Variants in SCMH1 observed in about 807,000 individuals in gnomAD.
The protein encoded by SCMH1 is polycomb protein SCMH1.
A neutral mutation model predicts 70.8 loss-of-function variants in SCMH1; 37 were observed. That is an observed-to-expected ratio of 0.52 (90% CI 0.40 to 0.69). SCMH1 has a LOEUF of 0.69. Ranked by LOEUF, SCMH1 falls within the 30% of genes least tolerant of loss-of-function variation. The pLI is 0.00. For missense variants in SCMH1, 607 were observed against 827.3 expected, an observed-to-expected ratio of 0.73 and a Z score of 3.27; for synonymous variants, 292 against 307.4, an observed-to-expected ratio of 0.95 and a Z score of 0.52.
intron 2 of SCMH1, among the ~76,000 whole-genome samples, chr1:41,170,032 G>A (rs1001780214): frequency 6.6e-6 from 1 of 152,160 alleles, no homozygotes; most frequent in East Asian, 1.9e-4. Context: ...ACAAGAAGCT[G>A]CTGGAATAGT....
intron 11 of SCMH1, among the ~76,000 whole-genome samples, chr1:41,048,214 A>G (rs1436295442): frequency 6.6e-6 from 1 of 152,222 alleles, no homozygotes; most frequent in East Asian, 1.9e-4. Context: ...TCAAACTCTC[A>G]TAGCAGTAAA....
At chr1:41,152,558 T>G (rs769516708) in intron 4 of SCMH1, 3 of 1,604,852 alleles carry the variant, frequency 1.9e-6, no homozygotes, top group Non-Finnish European at 2.6e-6. Flanking sequence ...AGTTCTTTAT[T>G]TAAAGGTTAA....
At chr1:41,192,372 C>A (rs935439323) in intron 1 of SCMH1, among the ~76,000 whole-genome samples, 3 of 152,130 alleles carry the variant, frequency 2.0e-5, no homozygotes, top group Admixed American at 6.6e-5. Flanking sequence ...TTGGTTCTAT[C>A]ACTTACCAGT....
chr1:41,078,184 AAAC>A (rs1658944905), intron 8 of SCMH1, among the ~76,000 whole-genome samples: 1 of 152,192 alleles, frequency 6.6e-6, no homozygotes, highest in African/African-American at 2.4e-5. Flanking sequence ...AAAAAATAGA[AAAC>A]ATCCAAAATA....
At chr1:41,126,821 T>C (rs1673294725) in intron 6 of SCMH1, among the ~76,000 whole-genome samples, 1 of 152,174 alleles carries the variant, frequency 6.6e-6, no homozygotes, top group Admixed American at 6.5e-5. Flanking sequence ...TGCAAAAAAA[T>C]AACCATGTGT....
chr1:41,072,844 C>T (rs1740615), intron 9 of SCMH1, among the ~76,000 whole-genome samples: 129,197 of 152,188 alleles, frequency 0.85, 55,325 homozygotes, highest in East Asian at 0.96. Context: ...CAGCCTGGGT[C>T]ACAGAGTGAG....
chr1:41,097,673 A>G (rs984431043), intron 8 of SCMH1, among the ~76,000 whole-genome samples: 1 of 152,174 alleles, frequency 6.6e-6, no homozygotes, highest in Admixed American at 6.6e-5. Flanking sequence ...CACTGCCTCA[A>G]CTTTAATATA....
At chr1:41,156,623 G>C (rs901324313) in intron 4 of SCMH1, among the ~76,000 whole-genome samples, 1 of 151,992 alleles carries the variant, frequency 6.6e-6, no homozygotes, top group Non-Finnish European at 1.5e-5. Flanking sequence ...ATTTTTTGTA[G>C]AGACAGGGCT....
At chr1:41,234,610 G>A (rs926033413) in intron 1 of SCMH1, among the ~76,000 whole-genome samples, 8 of 151,424 alleles carry the variant, frequency 5.3e-5, no homozygotes, top group Non-Finnish European at 1.2e-4. Flanking sequence ...GAGTTGCTGG[G>A]ACTACAGGCA....
At chr1:41,168,632 CTTTT>C (rs543282078) in intron 2 of SCMH1, among the ~76,000 whole-genome samples, 1 of 104,712 alleles carries the variant, frequency 9.6e-6, no homozygotes, top group Non-Finnish European at 1.9e-5. Flanking sequence ...GGAGATTTGT[CTTTT>C]TTTTTTTTTT....
rs530253969 is a variant in SCMH1, at chr1:41,091,913, G to A, written c.746-16462C>T. On this transcript the variant is annotated intron_variant, in intron 8 of 14. Coordinates refer to ENST00000337495, the Ensembl canonical transcript of SCMH1. ...AAGAACATTCCATGCTCATGGATAG[G>A]AAGAATCAATATTGTGAAAAATGGC... Among the ~76,000 whole-genome samples, 583 of 95,868 alleles carry A rather than the reference G, an allele frequency of 6.1e-3. 2 individuals are homozygous for A. The highest frequency in any genetic ancestry group is 7.5e-3 in the Non-Finnish European group (376 of 50,048). The allele number at this position is 95,868 out of a possible 152,430, so 62.9% of individuals were successfully genotyped here. A position where few individuals can be genotyped will look rare whatever the true frequency, so the allele number is the denominator to read the frequency against.
At chr1:41,124,219 A>G (rs917458794) in intron 6 of SCMH1, among the ~76,000 whole-genome samples, 1 of 152,174 alleles carries the variant, frequency 6.6e-6, no homozygotes, top group Admixed American at 6.5e-5. Flanking sequence ...CCTGAACTAT[A>G]TGAAAGTTGG....
chr1:41,196,153 TAC>T (rs1218203990), intron 1 of SCMH1, among the ~76,000 whole-genome samples: 5 of 152,148 alleles, frequency 3.3e-5, no homozygotes, highest in African/African-American at 1.2e-4. Flanking sequence ...CAAAGCAATC[TAC>T]AGATTCAACG....
At chr1:41,044,262 C>G (rs1028247437) in intron 12 of SCMH1, among the ~76,000 whole-genome samples, 4 of 152,068 alleles carry the variant, frequency 2.6e-5, no homozygotes, top group African/African-American at 9.7e-5. Context: ...CTATGTATGT[C>G]TAGCAGAAGC....
chr1:41,041,717 A>G (rs140131737), intron 12 of SCMH1, among the ~76,000 whole-genome samples: 3 of 152,314 alleles, frequency 2.0e-5, no homozygotes, highest in South Asian at 2.1e-4. Flanking sequence ...ACCACTGTGA[A>G]TCTTGGGATT....
At chr1:41,202,819 T>C (rs1386047483) in intron 1 of SCMH1, among the ~76,000 whole-genome samples, 2 of 152,254 alleles carry the variant, frequency 1.3e-5, no homozygotes, top group Non-Finnish European at 2.9e-5. Context: ...TATATGCCTC[T>C]CCTACTACCC....
chr1:41,117,511 G>T (rs1004486082), intron 6 of SCMH1, among the ~76,000 whole-genome samples: 2 of 151,344 alleles, frequency 1.3e-5, no homozygotes, highest in Admixed American at 1.3e-4. Flanking sequence ...CCCTTTCCCC[G>T]GGGAAGTTTA....
intron 5 of SCMH1, among the ~76,000 whole-genome samples, chr1:41,150,998 G>A (rs1185599870): frequency 4.0e-5 from 6 of 150,282 alleles, no homozygotes; most frequent in Non-Finnish European, 1.5e-5. Context: ...AATGTTGACA[G>A]TTTGAGGAAA....
At chr1:41,227,605 G>C (rs1170504878) in intron 1 of SCMH1, among the ~76,000 whole-genome samples, 2 of 152,162 alleles carry the variant, frequency 1.3e-5, no homozygotes, top group African/African-American at 4.8e-5. Flanking sequence ...TGGAGGGAGG[G>C]AGGAATGTAT....
Sources: allele counts gnomAD v4.1 joint callset (sites outside exome capture counted in the v4.1 genomes callset), GRCh38; gene constraint gnomAD v4.1.1; transcripts MANE v1.5; gene names NCBI Gene and HGNC (gene_info 2026-07-23, HGNC 2026-07-21).